Variants in CABCOCO1 observed in about 807,000 individuals in gnomAD.
CABCOCO1 encodes ciliary associated calcium binding coiled-coil 1.
In CABCOCO1, 28 loss-of-function variants were observed where a neutral mutation model predicts 35.7. The observed-to-expected ratio is 0.78, with a 90% confidence interval of 0.58 to 1.07. The LOEUF is 1.07. CABCOCO1 is among the 50% of genes least tolerant of loss of function. The pLI, the probability that CABCOCO1 is intolerant of heterozygous loss-of-function variation, is 0.00. For synonymous variants in CABCOCO1, 95 were observed against 100.1 expected (o/e 0.95, Z 0.30); for missense variants, 326 against 309.2 (o/e 1.05, Z -0.41).
At chr10:61,684,598 G>T (rs1167544071) in intron 3 of CABCOCO1, among the ~76,000 whole-genome samples, 1 of 152,086 alleles carries the variant, frequency 6.6e-6, no homozygotes, top group African/African-American at 2.4e-5. Flanking sequence ...GGATGGTGGG[G>T]TCCACATTGA....
At chr10:61,699,654 A>G (rs1307447617) in intron 5 of CABCOCO1, among the ~76,000 whole-genome samples, 1 of 145,822 alleles carries the variant, frequency 6.9e-6, no homozygotes, top group Non-Finnish European at 1.5e-5. Flanking sequence ...TTTCTTACAG[A>G]AAAAAAAAAG....
At chr10:61,686,773 G>A (rs1839979621) in intron 4 of CABCOCO1, among the ~76,000 whole-genome samples, 2 of 152,114 alleles carry the variant, frequency 1.3e-5, no homozygotes, top group Admixed American at 1.3e-4. Flanking sequence ...AATGGTGTGT[G>A]GAAGTAAAGT....
At chr10:61,718,522 C>A (rs1422580173) in intron 5 of CABCOCO1, among the ~76,000 whole-genome samples, 8 of 151,920 alleles carry the variant, frequency 5.3e-5, no homozygotes, top group Non-Finnish European at 1.2e-4. Context: ...AGATATTATT[C>A]TTTAAATATG....
chr10:61,736,770 T>C (rs1841425804), intron 5 of CABCOCO1, among the ~76,000 whole-genome samples: 1 of 152,236 alleles, frequency 6.6e-6, no homozygotes, highest in Admixed American at 6.5e-5. Flanking sequence ...TTCTTATCCA[T>C]GAGCATGGGA....
chr10:61,668,434 C>T (rs191452331), intron 1 of CABCOCO1, among the ~76,000 whole-genome samples: 9 of 152,036 alleles, frequency 5.9e-5, no homozygotes, highest in Admixed American at 2.6e-4. Context: ...ATAAGTAAAA[C>T]TACAAGTGTA....
intron 5 of CABCOCO1, among the ~76,000 whole-genome samples, chr10:61,724,448 G>C (rs1339136357): frequency 6.6e-6 from 1 of 152,164 alleles, no homozygotes; most frequent in African/African-American, 2.4e-5. Context: ...GCACAATAAA[G>C]AGTTTAGAAA....
chr10:61,765,906 T>C, intron 7 of CABCOCO1, 33 bp from the exon 8 acceptor site: 1 of 1,588,642 alleles, frequency 6.3e-7, no homozygotes. Flanking sequence ...GATAGCTCCA[T>C]CATAACCACG....
At chr10:61,689,439 G>A (rs567141699) in intron 4 of CABCOCO1, among the ~76,000 whole-genome samples, 1 of 152,216 alleles carries the variant, frequency 6.6e-6, no homozygotes, top group Non-Finnish European at 1.5e-5. Flanking sequence ...AAAATACCAT[G>A]ACAGACTCTG....
intron 1 of CABCOCO1, among the ~76,000 whole-genome samples, chr10:61,667,911 T>C (rs1839240689): frequency 6.6e-6 from 1 of 151,978 alleles, no homozygotes; most frequent in African/African-American, 2.4e-5. Context: ...ATTACAATAA[T>C]GTTGCCATCC....
At chr10:61,729,195 T>G (rs1841237896) in intron 5 of CABCOCO1, among the ~76,000 whole-genome samples, 1 of 152,182 alleles carries the variant, frequency 6.6e-6, no homozygotes, top group Non-Finnish European at 1.5e-5. Flanking sequence ...ATGAGCAAAC[T>G]TAAGGATTAT....
intron 5 of CABCOCO1, among the ~76,000 whole-genome samples, chr10:61,742,727 T>C (rs938010679): frequency 1.3e-5 from 2 of 152,222 alleles, no homozygotes; most frequent in Non-Finnish European, 2.9e-5. Flanking sequence ...AGGATGTACT[T>C]GCATTTGGTT....
At chr10:61,765,215 T>C (rs954498083) in intron 7 of CABCOCO1, among the ~76,000 whole-genome samples, 34 of 152,172 alleles carry the variant, frequency 2.2e-4, no homozygotes, top group African/African-American at 8.0e-4. Flanking sequence ...TATGTAATTT[T>C]ATTATCCCTT....
intron 5 of CABCOCO1, among the ~76,000 whole-genome samples, chr10:61,750,026 C>T (rs1841747188): frequency 6.6e-6 from 1 of 151,518 alleles, no homozygotes; most frequent in African/African-American, 2.4e-5. Flanking sequence ...CAGCACTGAC[C>T]TTAGGGCCTC....
chr10:61,681,658 C>T (rs1485282839), intron 3 of CABCOCO1, among the ~76,000 whole-genome samples: 4 of 152,174 alleles, frequency 2.6e-5, no homozygotes, highest in African/African-American at 9.6e-5. Context: ...TTATCAGTAA[C>T]TATTAGCTAT....
chr10:61,723,871 A>C (rs2132044782), intron 5 of CABCOCO1, among the ~76,000 whole-genome samples: 1 of 152,318 alleles, frequency 6.6e-6, no homozygotes, highest in East Asian at 1.9e-4. Flanking sequence ...AAAAGTATTA[A>C]TACTGGAAAG....
At chr10:61,764,543 G>A (rs546998706) in intron 7 of CABCOCO1, among the ~76,000 whole-genome samples, 6 of 152,074 alleles carry the variant, frequency 3.9e-5, no homozygotes, top group African/African-American at 1.4e-4. Flanking sequence ...CTAAGGTGAC[G>A]TAGCTGAACT....
intron 5 of CABCOCO1, among the ~76,000 whole-genome samples, chr10:61,758,137 T>C (rs999674125): frequency 3.3e-5 from 5 of 152,046 alleles, no homozygotes; most frequent in African/African-American, 1.2e-4. Flanking sequence ...TCTCTTCTTT[T>C]CAACGTCTCA....
chr10:61,718,856 T>C (rs1285015573), intron 5 of CABCOCO1, among the ~76,000 whole-genome samples: 1 of 152,202 alleles, frequency 6.6e-6, no homozygotes, highest in Non-Finnish European at 1.5e-5. Flanking sequence ...TGAGGGGACA[T>C]ATTTCTCACA....
At chr10:61,760,814 C>T in intron 6 of CABCOCO1, 49 bp from the exon 7 acceptor site, 21 of 1,553,610 alleles carry the variant, frequency 1.4e-5, no homozygotes, top group Non-Finnish European at 1.7e-5. Flanking sequence ...ATATAAATCA[C>T]CGAATGCTCT....
Sources: allele counts gnomAD v4.1 joint callset (sites outside exome capture counted in the v4.1 genomes callset), GRCh38; gene constraint gnomAD v4.1.1; transcripts MANE v1.5; gene names NCBI Gene and HGNC (gene_info 2026-07-23, HGNC 2026-07-21).